Variants in TRPC7 observed in about 807,000 individuals in gnomAD.
The protein encoded by TRPC7 is transient receptor potential cation channel subfamily C member 7, also known as short transient receptor potential channel 7.
TRPC7 carries 42 observed loss-of-function variants against 90.1 expected under a neutral mutation model. The ratio of observed to expected loss-of-function variants is 0.47; its 90% CI spans 0.36 to 0.60. TRPC7 has a LOEUF of 0.60. Among genes scored for constraint, TRPC7 ranks in the 20% least tolerant of loss-of-function variants. TRPC7 has a pLI of 0.00. For missense variants in TRPC7, 955 were observed against 1,112.3 expected, an observed-to-expected ratio of 0.86 and a Z score of 2.01; for synonymous variants, 451 against 436.3, an observed-to-expected ratio of 1.03 and a Z score of -0.42.
At chr5:136,288,531 A>G (rs1011894465) in intron 3 of TRPC7, among the ~76,000 whole-genome samples, 13 of 151,878 alleles carry the variant, frequency 8.6e-5, no homozygotes, top group African/African-American at 3.1e-4. Flanking sequence ...AATTCCTGGA[A>G]GAATTTGTCC....
At chr5:136,285,766 A>G (rs766568169) in intron 3 of TRPC7, among the ~76,000 whole-genome samples, 1 of 152,176 alleles carries the variant, frequency 6.6e-6, no homozygotes, top group Non-Finnish European at 1.5e-5. Flanking sequence ...GCTGCTAACT[A>G]TGCTTAGAAA....
chr5:136,313,785 A>G (rs1268056415), intron 3 of TRPC7, among the ~76,000 whole-genome samples: 1 of 152,142 alleles, frequency 6.6e-6, no homozygotes, highest in Non-Finnish European at 1.5e-5. Flanking sequence ...ATTTCCTGAG[A>G]CCTTATGACT....
intron 7 of TRPC7, among the ~76,000 whole-genome samples, chr5:136,234,232 G>A (rs558842035): frequency 6.6e-6 from 1 of 152,228 alleles, no homozygotes; most frequent in South Asian, 2.1e-4. Flanking sequence ...GCCAGAGTGG[G>A]AGCCACACCT....
At chr5:136,228,669 G>T (rs1289812732) in intron 8 of TRPC7, among the ~76,000 whole-genome samples, 1 of 152,046 alleles carries the variant, frequency 6.6e-6, no homozygotes, top group African/African-American at 2.4e-5. Context: ...GTGCAGGTGA[G>T]TTGTGGATTT....
chr5:136,263,767 GT>G (rs1269758848), intron 5 of TRPC7, among the ~76,000 whole-genome samples: 1 of 152,134 alleles, frequency 6.6e-6, no homozygotes, highest in Non-Finnish European at 1.5e-5. Context: ...AAAAAGACAT[GT>G]TACATTTCAG....
rs1755633805 is a variant in TRPC7 at position 136,226,429 on chromosome 5, A to C, written c.2041-174T>G. 33 of 601,758 alleles carry C rather than the reference A, an allele frequency of 5.5e-5. No homozygotes were observed. The South Asian group carries it at 6.7e-4, about 12-fold the overall frequency. 37.3% of individuals were successfully genotyped at this position (601,758 alleles called of 1,614,324 possible). On this transcript the variant is annotated intron_variant, in intron 8 of 11. Coordinates refer to ENST00000513104, the MANE Select transcript of TRPC7 (RefSeq NM_020389.3). The stretch of plus-strand genomic sequence containing the variant: ...AGGGGAGTTTGCTCTCACTAAAACC[A>C]TGCACAATGGTCACTTTCTGCCTGT...
At chr5:136,359,643 C>G (rs1185906964) in intron 1 of TRPC7, among the ~76,000 whole-genome samples, 1 of 152,012 alleles carries the variant, frequency 6.6e-6, no homozygotes, top group African/African-American at 2.4e-5. Context: ...AGTGTGCAGG[C>G]ACTTATTATT....
intron 11 of TRPC7, among the ~76,000 whole-genome samples, 169 bp from the exon 12 acceptor site, chr5:136,213,773 G>A (rs767853010): frequency 3.3e-5 from 5 of 152,126 alleles, no homozygotes; most frequent in Non-Finnish European, 7.4e-5. Flanking sequence ...GAACCACCCA[G>A]CTCCCCCACC....
chr5:136,361,748 C>CAACACCT (rs1376026244), intron 1 of TRPC7, among the ~76,000 whole-genome samples: 2 of 152,166 alleles, frequency 1.3e-5, no homozygotes, highest in African/African-American at 4.8e-5. Context: ...ATCTAGGAGT[C>CAACACCT]AGATCAAACA....
intron 3 of TRPC7, among the ~76,000 whole-genome samples, chr5:136,282,872 GAC>G (rs1757589012): frequency 6.6e-6 from 1 of 152,170 alleles, no homozygotes; most frequent in Non-Finnish European, 1.5e-5. Flanking sequence ...AGGAATGGAG[GAC>G]ACAGTGAACA....
intron 7 of TRPC7, among the ~76,000 whole-genome samples, chr5:136,243,737 A>G (rs1756243520): frequency 6.6e-6 from 1 of 152,052 alleles, no homozygotes; most frequent in Non-Finnish European, 1.5e-5. Flanking sequence ...GTCAAAAGGT[A>G]AAAGATGACA....
chr5:136,232,781 A>G (rs1755859460), intron 7 of TRPC7, among the ~76,000 whole-genome samples: 1 of 152,180 alleles, frequency 6.6e-6, no homozygotes, highest in Non-Finnish European at 1.5e-5. Flanking sequence ...TAGACCATGC[A>G]TGTATATCTG....
chr5:136,213,430 G>GGCT lies in TRPC7; in HGVS notation c.*2_*4dup, dbSNP rs758679480. ...GGTAGAAGTCACAGACGCCGATGTGGGCTGCTAAATGTCTTTGCCCTTGTT... is the reference window on the plus strand; with the variant it reads ...GGTAGAAGTCACAGACGCCGATGTGGGCTGCTGCTAAATGTCTTTGCCCTTGTT... On this transcript the variant is annotated 3_prime_UTR_variant, in exon 12 of 12. Coordinates refer to ENST00000513104, the MANE Select transcript of TRPC7 (RefSeq NM_020389.3). The GGCT allele has an allele frequency of 6.2e-7, 1 of 1,613,652 alleles. No individual in the cohort carries two copies. The highest frequency in any genetic ancestry group is 1.1e-5 in the South Asian group (1 of 90,988).
chr5:136,305,556 C>G (rs965199132), intron 3 of TRPC7, among the ~76,000 whole-genome samples: 4 of 152,106 alleles, frequency 2.6e-5, no homozygotes, highest in East Asian at 1.9e-4. Context: ...CATGCCCCAA[C>G]TCAGCAAACT....
At chr5:136,293,251 A>C (rs1197488039) in intron 3 of TRPC7, among the ~76,000 whole-genome samples, 2 of 152,188 alleles carry the variant, frequency 1.3e-5, no homozygotes, top group African/African-American at 4.8e-5. Context: ...GCCCTCTCTC[A>C]CCACTCCTAT....
rs115926213 is a variant in TRPC7, at chr5:136,316,535, C to G, written c.781-756G>C. Among the ~76,000 whole-genome samples the G allele has an allele frequency of 4.7e-3, 723 of 152,226 alleles. 7 individuals carry two copies. The highest frequency in any genetic ancestry group is 0.017 in the African/African-American group (699 of 41,526). On this transcript the variant is annotated intron_variant, in intron 2 of 11. Coordinates refer to ENST00000513104, the MANE Select transcript of TRPC7 (RefSeq NM_020389.3). ...TGAATAAACATTTTTAGCCCTTGAC[C>G]TTGTTGTTGTTGTTTCGTATTTTTA... is the stretch of plus-strand genomic sequence containing the variant.
At chr5:136,227,511 T>A (rs1455748670) in intron 8 of TRPC7, among the ~76,000 whole-genome samples, 3 of 151,642 alleles carry the variant, frequency 2.0e-5, no homozygotes, top group African/African-American at 7.3e-5. Context: ...CACAAGAGTA[T>A]AGGGTTATAA....
chr5:136,285,388 G>T (rs569276230), intron 3 of TRPC7, among the ~76,000 whole-genome samples: 8 of 152,266 alleles, frequency 5.3e-5, no homozygotes, highest in Non-Finnish European at 8.8e-5. Flanking sequence ...AAAAGTTCCA[G>T]GGGCACTTGA....
At chr5:136,314,540 G>A (rs1758948108) in intron 3 of TRPC7, among the ~76,000 whole-genome samples, 1 of 152,182 alleles carries the variant, frequency 6.6e-6, no homozygotes, top group Admixed American at 6.5e-5. Flanking sequence ...AGGCAAAGTT[G>A]TTTTTCTTAA....
Sources: allele counts gnomAD v4.1 joint callset (sites outside exome capture counted in the v4.1 genomes callset), GRCh38; gene constraint gnomAD v4.1.1; transcripts MANE v1.5; gene names NCBI Gene and HGNC (gene_info 2026-07-23, HGNC 2026-07-21).